Variants in XKR4 observed in about 807,000 individuals in gnomAD.
XKR4 encodes XK-related protein 4.
Under a neutral mutation model 53.9 loss-of-function variants are expected in XKR4, and 12 were observed. The ratio of observed to expected loss-of-function variants is 0.22; its 90% CI spans 0.14 to 0.36. The LOEUF (loss-of-function observed/expected upper bound fraction) is 0.36. Ranked by LOEUF, XKR4 falls within the 10% of genes least tolerant of loss-of-function variation. The pLI, the probability that XKR4 is intolerant of heterozygous loss-of-function variation, is 1.00. For synonymous variants in XKR4, 354 were observed against 362.4 expected (o/e 0.98, Z 0.26); for missense variants, 799 against 859.5 (o/e 0.93, Z 0.88).
At chr8:55,173,292 AC>A (rs1817187120) in intron 1 of XKR4, among the ~76,000 whole-genome samples, 2 of 142,502 alleles carry the variant, frequency 1.4e-5, no homozygotes, top group South Asian at 4.4e-4. Flanking sequence ...TCCCATCAAC[AC>A]TTTTTTTTTT....
intron 1 of XKR4, among the ~76,000 whole-genome samples, chr8:55,220,024 T>A (rs1245147409): frequency 1.3e-5 from 2 of 152,136 alleles, no homozygotes; most frequent in Non-Finnish European, 2.9e-5. Context: ...TTAAAAATAA[T>A]ATATTGTATG....
chr8:55,269,678 A>G (rs561795427), intron 1 of XKR4, among the ~76,000 whole-genome samples: 12 of 152,326 alleles, frequency 7.9e-5, no homozygotes, highest in African/African-American at 2.9e-4. Context: ...TTCCTTAAAA[A>G]GTTAGCACCC....
Position 55,524,332 on chromosome 8 carries a change from T to C in XKR4, c.*105T>C. The C allele has an allele frequency of 8.8e-7, 1 of 1,139,830 alleles. No individual in the cohort carries two copies. The highest frequency in any genetic ancestry group is 1.2e-6 in the Non-Finnish European group (1 of 812,002). 70.6% of individuals were successfully genotyped at this position (1,139,830 alleles called of 1,614,324 possible). ...AGAGCAGGGCAGTGAGCCGTGAAGT[T>C]CCTAGTGGGACCGTCATCACCATTA... On this transcript the variant is annotated 3_prime_UTR_variant, in exon 3 of 3. Coordinates refer to ENST00000327381, the MANE Select transcript of XKR4 (RefSeq NM_052898.2).
At chr8:55,460,806 T>C (rs746175044) in intron 2 of XKR4, among the ~76,000 whole-genome samples, 2 of 152,232 alleles carry the variant, frequency 1.3e-5, no homozygotes, top group African/African-American at 4.8e-5. Flanking sequence ...TCCAATGGGC[T>C]TATCAAACGG....
intron 2 of XKR4, among the ~76,000 whole-genome samples, chr8:55,364,876 T>C (rs776253415): frequency 1.3e-5 from 2 of 152,194 alleles, no homozygotes; most frequent in Non-Finnish European, 2.9e-5. Flanking sequence ...TCTGCCCACC[T>C]CGGCCACCCA....
intron 2 of XKR4, among the ~76,000 whole-genome samples, chr8:55,466,413 C>G (rs1376457040): frequency 6.6e-6 from 1 of 151,876 alleles, no homozygotes; most frequent in Non-Finnish European, 1.5e-5. Flanking sequence ...CGTGTTCTCA[C>G]TCATAGGTGG....
chr8:55,261,127 A>G (rs1347358615), intron 1 of XKR4, among the ~76,000 whole-genome samples: 1 of 152,206 alleles, frequency 6.6e-6, no homozygotes, highest in Non-Finnish European at 1.5e-5. Flanking sequence ...TAAAGGGAAG[A>G]AAAGGAGAGG....
At chr8:55,452,746 C>G in intron 2 of XKR4, 2 of 877,980 alleles carry the variant, frequency 2.3e-6, no homozygotes, top group Non-Finnish European at 3.9e-6. Context: ...TCTCTGTCCT[C>G]AAAGCCGCTC....
intron 1 of XKR4, among the ~76,000 whole-genome samples, chr8:55,194,102 C>T (rs1028734238): frequency 7.9e-5 from 12 of 152,222 alleles, no homozygotes; most frequent in African/African-American, 2.9e-4. Context: ...CAGTGAGCCA[C>T]TCTCTTTGAG....
chr8:55,272,955 T>C (rs1347157462), intron 1 of XKR4: 8 of 446,274 alleles, frequency 1.8e-5, no homozygotes, highest in African/African-American at 4.0e-5. Context: ...ACTGCCTACA[T>C]TGGAACAATT....
At chr8:55,164,534 A>C (rs1050722196) in intron 1 of XKR4, 1 of 436,468 alleles carries the variant, frequency 2.3e-6, no homozygotes, top group Non-Finnish European at 4.7e-6. Flanking sequence ...ATGTTTAGGA[A>C]CTTCTTTTTA....
intron 1 of XKR4, among the ~76,000 whole-genome samples, chr8:55,217,054 A>G (rs1212927564): frequency 6.6e-6 from 1 of 152,026 alleles, no homozygotes; most frequent in Non-Finnish European, 1.5e-5. Context: ...CATCCTGGCC[A>G]ACATGGTGAA....
rs566793644 is a variant in XKR4 at position 55,447,187 on chromosome 8, C to T, written c.1007-76094C>T. Reference sequence around the variant, plus strand: ...TCTGCCAGCCAAGAAACCATCAAAGCTAACTGTAGGAATGTGCTGATAATT... The same window carrying T: ...TCTGCCAGCCAAGAAACCATCAAAGTTAACTGTAGGAATGTGCTGATAATT... On this transcript the variant is annotated intron_variant, in intron 2 of 2. Coordinates refer to ENST00000327381, the MANE Select transcript of XKR4 (RefSeq NM_052898.2). Among the ~76,000 whole-genome samples the T allele has an allele frequency of 5.9e-5, 9 of 152,186 alleles. 1 individual carries two copies. The highest frequency in any genetic ancestry group is 1.9e-4 in the African/African-American group (8 of 41,496).
chr8:55,146,068 C>G (rs1816770005), intron 1 of XKR4, among the ~76,000 whole-genome samples: 1 of 152,170 alleles, frequency 6.6e-6, no homozygotes, highest in Non-Finnish European at 1.5e-5. Flanking sequence ...ACATTGTAAC[C>G]TGAGTCATCA....
intron 1 of XKR4, among the ~76,000 whole-genome samples, chr8:55,263,696 T>G (rs958618003): frequency 2.0e-5 from 3 of 152,244 alleles, no homozygotes; most frequent in African/African-American, 7.2e-5. Flanking sequence ...TTTTGAGCTA[T>G]GAATTTCTTT....
intron 1 of XKR4, among the ~76,000 whole-genome samples, chr8:55,265,617 G>A (rs1818587966): frequency 6.6e-6 from 1 of 152,196 alleles, no homozygotes; most frequent in Non-Finnish European, 1.5e-5. Flanking sequence ...AATTTGGGAG[G>A]CCAAGGCAGG....
At chr8:55,332,259 A>G (rs1803393236) in intron 1 of XKR4, among the ~76,000 whole-genome samples, 1 of 152,156 alleles carries the variant, frequency 6.6e-6, no homozygotes, top group African/African-American at 2.4e-5. Flanking sequence ...ATCTTCATAT[A>G]GCATATACCC....
chr8:55,188,163 T>C (rs1817403132), intron 1 of XKR4, among the ~76,000 whole-genome samples: 1 of 152,206 alleles, frequency 6.6e-6, no homozygotes, highest in Non-Finnish European at 1.5e-5. Flanking sequence ...GAGTATATAG[T>C]TGAGTTACAA....
Position 55,526,995 on chromosome 8 carries a change from T to C in XKR4, c.*2768T>C, listed in dbSNP as rs1441062145. 6.6e-6 allele frequency: 1 copy of C among 152,140 alleles called. No homozygotes were observed. The highest frequency in any genetic ancestry group is 1.9e-4 in the East Asian group (1 of 5,192). 9.4% of individuals were successfully genotyped at this position (152,140 alleles called of 1,614,324 possible). A position where few individuals can be genotyped will look rare whatever the true frequency, so the allele number is the denominator to read the frequency against. On this transcript the variant is annotated 3_prime_UTR_variant, in exon 3 of 3. Coordinates refer to ENST00000327381, the MANE Select transcript of XKR4 (RefSeq NM_052898.2). ...GAATTCTTGTTAAGGAAAGAACATA[T>C]CCATGATGTGATGAATTACAACCTT...
Sources: gnomAD v4.1 joint callset for allele counts (sites outside exome capture counted in the v4.1 genomes callset) on GRCh38, gnomAD v4.1.1 for gene constraint, MANE v1.5 for transcripts, NCBI Gene and HGNC (gene_info 2026-07-23, HGNC 2026-07-21) for gene names.